SPAG16: variants seen among roughly 807,000 people sequenced by gnomAD.
SPAG16 encodes the protein sperm-associated antigen 16 protein.
A neutral mutation model predicts 80.4 loss-of-function variants in SPAG16; 86 were observed. That is an observed-to-expected ratio of 1.07 (90% CI 0.90 to 1.28). The LOEUF (loss-of-function observed/expected upper bound fraction) is 1.28, where lower values mean the gene tolerates loss of function less well. Among genes scored for constraint, SPAG16 ranks in the 50% most tolerant of loss-of-function variants. SPAG16 has a pLI of 0.00. For missense variants in SPAG16, 870 were observed against 765.3 expected, an observed-to-expected ratio of 1.14 and a Z score of -1.61; for synonymous variants, 294 against 265.9, an observed-to-expected ratio of 1.11 and a Z score of -1.03.
intron 5 of SPAG16, among the ~76,000 whole-genome samples, chr2:213,337,375 G>A (rs143019098): frequency 6.6e-6 from 1 of 152,328 alleles, no homozygotes; most frequent in African/African-American, 2.4e-5. Context: ...GGCTGAGATG[G>A]ATGAATTGAC....
chr2:213,481,894 A>G (rs765345771), intron 9 of SPAG16, among the ~76,000 whole-genome samples: 4 of 152,264 alleles, frequency 2.6e-5, no homozygotes, highest in Non-Finnish European at 4.4e-5. Flanking sequence ...TAAGGTTGCC[A>G]TTGCAGTGAT....
At chr2:213,501,673 A>T (rs2074747585) in intron 10 of SPAG16, among the ~76,000 whole-genome samples, 2 of 152,176 alleles carry the variant, frequency 1.3e-5, no homozygotes, top group South Asian at 4.1e-4. Flanking sequence ...AAAATGTTGT[A>T]GTACATTTAA....
In SPAG16 at chr2:213,930,104, C is replaced by T. The variant is rs1450280021; in HGVS notation, c.1359C>T (p.Ser453=). 1 of 1,613,706 alleles carries T rather than the reference C, an allele frequency of 6.2e-7. No individual in the cohort carries two copies. Among genetic ancestry groups the T allele is most frequent in the South Asian group, 1.1e-5 (1 of 90,994 alleles). The change falls in exon 12 of 16, where the codon TCC becomes TCT. Residue 453 remains serine (S), a synonymous_variant. Coordinates refer to ENST00000331683, the MANE Select transcript of SPAG16 (RefSeq NM_024532.5). ...ACTCCTGCGGCAATTTTGTGGCTTC[C>T]TCCTCACTGGATAAAACTAGCAAAA... ...TWHSCGNFVA[S]SSLDKTSKIW...
chr2:213,833,477 A>ATATATATATTATATACATATTAT (rs2073826397), intron 10 of SPAG16, among the ~76,000 whole-genome samples: 4 of 2,998 alleles, frequency 1.3e-3, no homozygotes, highest in Non-Finnish European at 3.9e-3. Context: ...ATATATAATA[A>ATATATATATTATATACATATTAT]TATATATATT....
chr2:213,850,446 C>T (rs1167377967), intron 10 of SPAG16, among the ~76,000 whole-genome samples: 3 of 152,124 alleles, frequency 2.0e-5, no homozygotes, highest in Admixed American at 2.0e-4. Flanking sequence ...AATGGACAGT[C>T]GAGTAGAAAT....
At chr2:214,185,738 C>T (rs574976737) in intron 15 of SPAG16, among the ~76,000 whole-genome samples, 2 of 152,202 alleles carry the variant, frequency 1.3e-5, no homozygotes, top group African/African-American at 4.8e-5. Flanking sequence ...TAGTCTGTGA[C>T]AAAGGGGCAA....
At chr2:214,195,908 G>A (rs61181248) in intron 15 of SPAG16, among the ~76,000 whole-genome samples, 10,278 of 151,972 alleles carry the variant, frequency 0.068, 432 homozygotes, top group African/African-American at 0.11. Flanking sequence ...CTATCTTCCA[G>A]GATCACAGAG....
chr2:213,531,088 G>T (rs1431095005), intron 10 of SPAG16, among the ~76,000 whole-genome samples: 2 of 151,576 alleles, frequency 1.3e-5, no homozygotes, highest in East Asian at 1.9e-4. Context: ...ACCTTTTGTT[G>T]TCTATTCATA....
At chr2:213,884,230 G>A (rs991477692) in intron 11 of SPAG16, among the ~76,000 whole-genome samples, 1 of 152,128 alleles carries the variant, frequency 6.6e-6, no homozygotes, top group Non-Finnish European at 1.5e-5. Context: ...GAGTTTGCTT[G>A]TCTGAGAAAG....
intron 15 of SPAG16, among the ~76,000 whole-genome samples, chr2:214,203,562 A>G: frequency 6.6e-6 from 1 of 152,158 alleles, no homozygotes. Context: ...GGGGAACCTC[A>G]AGTTCCAGAT....
intron 11 of SPAG16, among the ~76,000 whole-genome samples, chr2:213,882,894 G>A (rs180941254): frequency 4.6e-5 from 7 of 151,552 alleles, no homozygotes; most frequent in Admixed American, 1.3e-4. Flanking sequence ...TTTTTGAGAC[G>A]GAGTCTCGCT....
At chr2:213,633,842 C>G (rs1311579504) in intron 10 of SPAG16, among the ~76,000 whole-genome samples, 2 of 152,108 alleles carry the variant, frequency 1.3e-5, no homozygotes, top group African/African-American at 4.8e-5. Flanking sequence ...AGTATCACAG[C>G]TGCTGCTCTT....
At chr2:214,377,715 C>T (rs1284726180) in intron 15 of SPAG16, among the ~76,000 whole-genome samples, 4 of 152,074 alleles carry the variant, frequency 2.6e-5, no homozygotes, top group African/African-American at 9.7e-5. Flanking sequence ...CACCCCTAAC[C>T]CCTGAGTATT....
intron 10 of SPAG16, among the ~76,000 whole-genome samples, chr2:213,751,130 A>G (rs1416068905): frequency 6.6e-6 from 1 of 152,086 alleles, no homozygotes; most frequent in Non-Finnish European, 1.5e-5. Flanking sequence ...ATTTACTTCA[A>G]TTGTTAATTT....
At chr2:213,670,527 G>A (rs867266042) in intron 10 of SPAG16, among the ~76,000 whole-genome samples, 3 of 151,460 alleles carry the variant, frequency 2.0e-5, no homozygotes, top group Non-Finnish European at 4.4e-5. Flanking sequence ...TTCCTAAAAG[G>A]ATGATTTAAA....
At chr2:213,371,551 T>C (rs1448839103) in intron 8 of SPAG16, among the ~76,000 whole-genome samples, 1 of 152,164 alleles carries the variant, frequency 6.6e-6, no homozygotes, top group East Asian at 1.9e-4. Flanking sequence ...CCTCTCTCTC[T>C]CATTTACCCA....
chr2:214,082,528 CT>C (rs1010751215), intron 13 of SPAG16, among the ~76,000 whole-genome samples: 21 of 152,144 alleles, frequency 1.4e-4, no homozygotes, highest in African/African-American at 5.1e-4. Flanking sequence ...TCTTCTCTTC[CT>C]TGTCCTATCC....
Position 213,670,287 on chromosome 2 carries a change from C to T in SPAG16, c.1070+180197C>T, listed in dbSNP as rs181970939. On this transcript the variant is annotated intron_variant, in intron 10 of 15. Coordinates refer to ENST00000331683, the MANE Select transcript of SPAG16 (RefSeq NM_024532.5). ...CTGGGATTACAGGCGTGAGCCACCG[C>T]GCCAGGCCAAGCATGTTCTAATTCT... 9.9e-3 allele frequency among the ~76,000 whole-genome samples: 1,511 copies of T among 152,096 alleles called. 17 individuals carry two copies. Among genetic ancestry groups the T allele is most frequent in the Non-Finnish European group, 0.015 (1,044 of 68,004 alleles).
chr2:214,108,439 TCA>T lies in SPAG16; in HGVS notation c.1593+218_1593+219del, dbSNP rs71037342. ...ATATAGGGTTGCAGAATTTTAAAAT[TCA>T]CACACACACACACACACACACACAC... On this transcript the variant is annotated intron_variant, in intron 14 of 15. Coordinates refer to ENST00000331683, the MANE Select transcript of SPAG16 (RefSeq NM_024532.5). 9.9e-3 allele frequency among the ~76,000 whole-genome samples: 1,234 copies of T among 125,108 alleles called. 21 individuals carry two copies. Among genetic ancestry groups the T allele is most frequent in the African/African-American group, 0.039 (1,132 of 29,006 alleles). 82.1% of individuals were successfully genotyped at this position (125,108 alleles called of 152,430 possible).
Sources: allele counts gnomAD v4.1 joint callset (sites outside exome capture counted in the v4.1 genomes callset), GRCh38; gene constraint gnomAD v4.1.1; transcripts MANE v1.5; gene names NCBI Gene and HGNC (gene_info 2026-07-23, HGNC 2026-07-21).